LAMA2: variants seen among roughly 807,000 people sequenced by gnomAD.
LAMA2 encodes laminin subunit alpha-2.
Under a neutral mutation model 364.8 loss-of-function variants are expected in LAMA2, and 269 were observed. That is an observed-to-expected ratio of 0.74 (90% confidence interval 0.67 to 0.82). The LOEUF (loss-of-function observed/expected upper bound fraction) is 0.82. Ranked by LOEUF, LAMA2 falls within the 40% of genes least tolerant of loss-of-function variation. The pLI is 0.00. For synonymous variants in LAMA2, 1,379 were observed against 1,370.6 expected, an observed-to-expected ratio of 1.01 and a Z score of -0.14; for missense variants, 3,807 against 3,873.2, an observed-to-expected ratio of 0.98 and a Z score of 0.45.
chr6:129,275,339 A>T (rs1278322169), intron 17 of LAMA2, among the ~76,000 whole-genome samples: 1 of 152,032 alleles, frequency 6.6e-6, no homozygotes, highest in Non-Finnish European at 1.5e-5. Flanking sequence ...ACTAAAGTTC[A>T]GAGAAATTAA....
At chr6:129,277,473 G>A (rs562892022) in intron 17 of LAMA2, among the ~76,000 whole-genome samples, 54 of 152,242 alleles carry the variant, frequency 3.5e-4, no homozygotes, top group African/African-American at 1.2e-3. Flanking sequence ...GAATATCAAA[G>A]CACAAATACA....
chr6:129,116,687 A>T (rs1321885560), intron 4 of LAMA2, among the ~76,000 whole-genome samples: 1 of 152,148 alleles, frequency 6.6e-6, no homozygotes, highest in African/African-American at 2.4e-5. Context: ...TTTTAATAAC[A>T]TGCATTTTAT....
chr6:128,974,645 A>G (rs1782407309), intron 1 of LAMA2, among the ~76,000 whole-genome samples: 1 of 152,190 alleles, frequency 6.6e-6, no homozygotes, highest in South Asian at 2.1e-4. Flanking sequence ...TGCCAATAGT[A>G]TTAATGCTTT....
At chr6:129,142,815 G>A (rs1778209252) in intron 4 of LAMA2, among the ~76,000 whole-genome samples, 1 of 152,004 alleles carries the variant, frequency 6.6e-6, no homozygotes, top group South Asian at 2.1e-4. Context: ...AAAATGGGAA[G>A]TTTATCAGTG....
In LAMA2 at chr6:129,478,747, A is replaced by C. The variant is rs1228601089; in HGVS notation, c.7506A>C (p.Ser2502=). ...GCTGCCTCAAAGATATTGAAATTTC[A>C]AGAACTCCGTACAATATACTCAGTA... ...YSGCLKDIEI[S]RTPYNILSSP... The change falls in exon 54 of 65, where the codon TCA becomes TCC. Residue 2502 remains serine, a synonymous_variant. Coordinates refer to ENST00000421865, the MANE Select transcript of LAMA2 (RefSeq NM_000426.4). 1.2e-6 allele frequency: 2 copies of C among 1,612,638 alleles called. No individual in the cohort carries two copies. The highest frequency in any genetic ancestry group is 1.7e-6 in the Non-Finnish European group (2 of 1,178,646).
chr6:129,315,737 C>G, intron 25 of LAMA2, 25 bp from the exon 26 acceptor site: 1 of 1,612,792 alleles, frequency 6.2e-7, no homozygotes. Flanking sequence ...TATCCAATTC[C>G]TCATTCTTCT....
chr6:129,131,769 TA>T (rs1777488051), intron 4 of LAMA2, among the ~76,000 whole-genome samples: 1 of 152,224 alleles, frequency 6.6e-6, no homozygotes. Context: ...TGTTGTCCTA[TA>T]AGCCATGTAA....
chr6:128,917,706 T>TTC (rs1778418237), intron 1 of LAMA2, among the ~76,000 whole-genome samples: 171 of 98,388 alleles, frequency 1.7e-3, no homozygotes, highest in African/African-American at 6.6e-3. Context: ...TTTCTTTTTT[T>TTC]TTTCTTTCTT....
chr6:129,346,294 C>A (rs1033376680), intron 30 of LAMA2, among the ~76,000 whole-genome samples: 2 of 152,172 alleles, frequency 1.3e-5, no homozygotes, highest in Admixed American at 1.3e-4. Context: ...CTTATCTAGA[C>A]ATCATTAGCA....
intron 12 of LAMA2, among the ~76,000 whole-genome samples, chr6:129,220,080 A>G (rs962337819): frequency 1.3e-5 from 2 of 152,186 alleles, no homozygotes; most frequent in African/African-American, 2.4e-5. Context: ...TTTTGAGGAA[A>G]AAATTTGCAT....
At chr6:129,395,261 TTATAAC>T (rs1779548656) in intron 37 of LAMA2, among the ~76,000 whole-genome samples, 1 of 152,196 alleles carries the variant, frequency 6.6e-6, no homozygotes, top group South Asian at 2.1e-4. Context: ...AATAACTCCC[TTATAAC>T]TGTGTCCACA....
At chr6:129,330,945 T>C (rs1775614834) in intron 29 of LAMA2, among the ~76,000 whole-genome samples, 1 of 151,966 alleles carries the variant, frequency 6.6e-6, no homozygotes, top group African/African-American at 2.4e-5. Context: ...CTCAGCTCAC[T>C]GCAAGCTCCG....
At chr6:129,171,375 G>A (rs1447225452) in intron 9 of LAMA2, among the ~76,000 whole-genome samples, 1 of 152,108 alleles carries the variant, frequency 6.6e-6, no homozygotes, top group Admixed American at 6.5e-5. Flanking sequence ...GACTGGTGGT[G>A]ACAAAATCTC....
chr6:129,222,094 A>T (rs1270219147), intron 12 of LAMA2, among the ~76,000 whole-genome samples: 1 of 152,146 alleles, frequency 6.6e-6, no homozygotes, highest in Non-Finnish European at 1.5e-5. Flanking sequence ...GGTGGTGAGG[A>T]TTGTATAGAT....
chr6:129,019,055 T>A (rs927414450), intron 1 of LAMA2, among the ~76,000 whole-genome samples: 1 of 152,104 alleles, frequency 6.6e-6, no homozygotes, highest in East Asian at 1.9e-4. Flanking sequence ...GGATTGATTA[T>A]TCCCTATGCC....
chr6:129,133,266 T>C (rs1433578590), intron 4 of LAMA2, among the ~76,000 whole-genome samples: 3 of 152,236 alleles, frequency 2.0e-5, no homozygotes, highest in Non-Finnish European at 2.9e-5. Flanking sequence ...GGCCAGGGGC[T>C]GTATTTAGAG....
intron 1 of LAMA2, among the ~76,000 whole-genome samples, chr6:129,013,330 G>A (rs1013537493): frequency 1.3e-5 from 2 of 152,074 alleles, no homozygotes; most frequent in Admixed American, 6.5e-5. Context: ...CCAGCTACTC[G>A]GGAGGCTGAG....
chr6:129,281,830 A>G (rs1319071492), intron 18 of LAMA2, among the ~76,000 whole-genome samples: 1 of 152,104 alleles, frequency 6.6e-6, no homozygotes, highest in Admixed American at 6.6e-5. Flanking sequence ...TTGATACCAT[A>G]TTTTTCTAGC....
At chr6:129,364,601 C>T (rs527375902) in intron 32 of LAMA2, among the ~76,000 whole-genome samples, 28 of 152,170 alleles carry the variant, frequency 1.8e-4, no homozygotes, top group South Asian at 1.5e-3. Context: ...GGAAATTATA[C>T]GACTATTTAT....
Sources: allele counts gnomAD v4.1 joint callset (sites outside exome capture counted in the v4.1 genomes callset), GRCh38; gene constraint gnomAD v4.1.1; transcripts MANE v1.5; gene names NCBI Gene and HGNC (gene_info 2026-07-23, HGNC 2026-07-21).